ADARB2: variants seen among roughly 807,000 people sequenced by gnomAD.
ADARB2 encodes adenosine deaminase RNA specific B2 (inactive).
Under a neutral mutation model 62.2 loss-of-function variants are expected in ADARB2, and 25 were observed. The ratio of observed to expected loss-of-function variants is 0.40; its 90% CI spans 0.29 to 0.56. ADARB2 has a LOEUF of 0.56. Among genes scored for constraint, ADARB2 ranks in the 20% least tolerant of loss-of-function variants. The pLI, the probability that ADARB2 is intolerant of heterozygous loss-of-function variation, is 0.43. For synonymous variants in ADARB2, 572 were observed against 500.8 expected (o/e 1.14, Z -1.90); for missense variants, 1,071 against 1,077.4 (o/e 0.99, Z 0.08).
intron 1 of ADARB2, among the ~76,000 whole-genome samples, chr10:1,679,086 A>T (rs1834504596): frequency 1.3e-5 from 2 of 152,146 alleles, no homozygotes; most frequent in Admixed American, 1.3e-4. Flanking sequence ...CCTGGGCCCC[A>T]TTTCCAGAGA....
chr10:1,341,632 G>C (rs537688778), intron 3 of ADARB2, among the ~76,000 whole-genome samples: 17 of 151,580 alleles, frequency 1.1e-4, no homozygotes, highest in African/African-American at 4.1e-4. Context: ...ATCCACCAGA[G>C]AACAACGTGC....
chr10:1,548,205 CATT>C (rs561129512), intron 1 of ADARB2, among the ~76,000 whole-genome samples: 39 of 152,294 alleles, frequency 2.6e-4, no homozygotes, highest in African/African-American at 8.7e-4. Context: ...TCATTGCACA[CATT>C]ATCACCATCA....
At chr10:1,220,518 G>C (rs552840225) in intron 6 of ADARB2, among the ~76,000 whole-genome samples, 2 of 152,278 alleles carry the variant, frequency 1.3e-5, no homozygotes, top group South Asian at 4.1e-4. Context: ...GGGTCTTTAT[G>C]AACATCAACT....
intron 1 of ADARB2, among the ~76,000 whole-genome samples, chr10:1,606,575 C>A (rs1833496465): frequency 6.6e-6 from 1 of 152,136 alleles, no homozygotes; most frequent in East Asian, 1.9e-4. Flanking sequence ...ACGAGAGAGC[C>A]AGCTAGAGTC....
chr10:1,450,501 A>G (rs2131901320), intron 1 of ADARB2, among the ~76,000 whole-genome samples: 1 of 152,246 alleles, frequency 6.6e-6, no homozygotes, highest in South Asian at 2.1e-4. Context: ...GCACCTGCAA[A>G]TGCCTCCCTC....
At chr10:1,187,357 C>A (rs113560574) in intron 8 of ADARB2, among the ~76,000 whole-genome samples, 21 of 152,206 alleles carry the variant, frequency 1.4e-4, no homozygotes, top group African/African-American at 5.1e-4. Context: ...CTCCCACTCC[C>A]GTCACCAGGC....
chr10:1,315,077 G>T (rs1393709383), intron 3 of ADARB2, among the ~76,000 whole-genome samples: 5 of 152,192 alleles, frequency 3.3e-5, no homozygotes, highest in Admixed American at 2.6e-4. Context: ...TGGGCAGGGA[G>T]CCCTGAGTTC....
At chr10:1,511,586 A>G (rs1831936679) in intron 1 of ADARB2, among the ~76,000 whole-genome samples, 1 of 152,162 alleles carries the variant, frequency 6.6e-6, no homozygotes, top group African/African-American at 2.4e-5. Context: ...GGATTGGCTG[A>G]GCACACATAT....
intron 1 of ADARB2, among the ~76,000 whole-genome samples, chr10:1,447,629 C>T (rs756236663): frequency 6.6e-6 from 1 of 151,990 alleles, no homozygotes; most frequent in Non-Finnish European, 1.5e-5. Flanking sequence ...GTTTGTTATA[C>T]AGGTAAACTT....
At chr10:1,434,616 T>C (rs2131891528) in intron 1 of ADARB2, among the ~76,000 whole-genome samples, 1 of 152,290 alleles carries the variant, frequency 6.6e-6, no homozygotes, top group African/African-American at 2.4e-5. Context: ...AAACAAGTTT[T>C]ACTGGGGGTC....
At chr10:1,190,590 C>T (rs1201213766) in intron 8 of ADARB2, among the ~76,000 whole-genome samples, 3 of 152,208 alleles carry the variant, frequency 2.0e-5, no homozygotes, top group African/African-American at 7.2e-5. Flanking sequence ...GTACCTCCTT[C>T]AGAGGCTCTG....
intron 1 of ADARB2, among the ~76,000 whole-genome samples, chr10:1,408,740 G>C (rs1832728878): frequency 6.6e-6 from 1 of 152,200 alleles, no homozygotes; most frequent in Non-Finnish European, 1.5e-5. Flanking sequence ...TTGTTCACTG[G>C]GCTCTGGATT....
At chr10:1,258,410 AC>A (rs1430327692) in intron 4 of ADARB2, among the ~76,000 whole-genome samples, 1 of 152,114 alleles carries the variant, frequency 6.6e-6, no homozygotes, top group African/African-American at 2.4e-5. Context: ...TATTCAGGAA[AC>A]CCATCTCAGC....
In ADARB2 at chr10:1,527,297, C is replaced by A. The variant is rs1832159800; in HGVS notation, c.101-148137G>T. On this transcript the variant is annotated intron_variant, in intron 1 of 9. Transcript: ENST00000381312. The stretch of plus-strand genomic sequence containing the variant: ...GCTAGTATTTTAAATACATGTCTAG[C>A]GTTCCTTATAGAGACATTCTCATCC... Among the ~76,000 whole-genome samples, 4 of 152,186 alleles carry A rather than the reference C, an allele frequency of 2.6e-5. No homozygotes were observed. The South Asian group carries it at 6.2e-4, about 24-fold the overall frequency.
In ADARB2 at chr10:1,704,435, C is replaced by T. The variant is rs1250115355; in HGVS notation, c.100+32616G>A. ...AGGAGTCTGCAACCTGGATCCCTTA[C>T]AAGCACAGTTAGCAATAGGATCCCC... On this transcript the variant is annotated intron_variant, in intron 1 of 9. Transcript: ENST00000381312. The surrounding 1 kb of genome is among the most constrained non-coding windows in gnomAD (Gnocchi z 5.6). Among the ~76,000 whole-genome samples the T allele has an allele frequency of 6.6e-6, 1 of 152,202 alleles. No individual in the cohort carries two copies. The highest frequency in any genetic ancestry group is 1.5e-5 in the Non-Finnish European group (1 of 68,038).
intron 1 of ADARB2, among the ~76,000 whole-genome samples, chr10:1,462,521 CTGTATGTGCCTGTGTGTATGTACATGAG>C (rs1831188493): frequency 6.6e-6 from 1 of 151,624 alleles, no homozygotes; most frequent in Admixed American, 6.6e-5. Context: ...TGTAGTGTGC[CTGTATGTGCCTGTGTGTATGTACATGAG>C]TGTATGTGCC....
At chr10:1,685,959 T>G (rs1047059292) in intron 1 of ADARB2, among the ~76,000 whole-genome samples, 1 of 152,240 alleles carries the variant, frequency 6.6e-6, no homozygotes, top group African/African-American at 2.4e-5. Flanking sequence ...TCTGCCTGGC[T>G]TGGACACTCC....
intron 1 of ADARB2, among the ~76,000 whole-genome samples, chr10:1,674,772 TA>T (rs1196230997): frequency 2.6e-5 from 4 of 152,100 alleles, no homozygotes; most frequent in African/African-American, 4.8e-5. Context: ...AAACCTAAAA[TA>T]AAAAAACTGG....
chr10:1,264,160 T>G (rs3849973), intron 4 of ADARB2, among the ~76,000 whole-genome samples: 38,483 of 152,126 alleles, frequency 0.25, 6,056 homozygotes, highest in South Asian at 0.48. Flanking sequence ...TTAAGATCAA[T>G]TCCTTGAAAT....
Sources: gnomAD v4.1 joint callset for allele counts (sites outside exome capture counted in the v4.1 genomes callset) on GRCh38, gnomAD v4.1.1 for gene constraint, Gnocchi (gnomAD v3.1) non-coding constraint, MANE v1.5 for transcripts, NCBI Gene and HGNC (gene_info 2026-07-23, HGNC 2026-07-21) for gene names.